Variants in DEPDC1B observed in about 807,000 individuals in gnomAD.
The protein encoded by DEPDC1B is DEP domain containing 1B.
In DEPDC1B, 51 loss-of-function variants were observed where a neutral mutation model predicts 66.5. The observed-to-expected ratio is 0.77, with a 90% CI of 0.61 to 0.97. DEPDC1B has a LOEUF of 0.97. Among genes scored for constraint, DEPDC1B ranks in the 50% least tolerant of loss-of-function variants. The pLI is 0.00. For missense variants in DEPDC1B, 552 were observed against 637.1 expected (o/e 0.87, Z 1.44); for synonymous variants, 226 against 223.6 (o/e 1.01, Z -0.10).
rs374958778 is a variant in DEPDC1B at position 60,613,836 on chromosome 5, A to ACAT, written c.899-7981_899-7980insATG. 9.5e-4 allele frequency among the ~76,000 whole-genome samples: 126 copies of ACAT among 132,358 alleles called. 1 individual carries two copies. Among genetic ancestry groups the ACAT allele is most frequent in the African/African-American group, 3.7e-3 (122 of 32,628 alleles). The allele number at this position is 132,358 out of a possible 152,430, so 86.8% of individuals were successfully genotyped here. A position where few individuals can be genotyped will look rare whatever the true frequency, so the allele number is the denominator to read the frequency against. The stretch of plus-strand genomic sequence containing the variant: ...TGTGTGTGTGTGTGTGTGTATACAT[A>ACAT]AAAAACAGATGTAGGGTCATTGTTT... On this transcript the variant is annotated intron_variant, in intron 7 of 10. Transcript: ENST00000265036.
chr5:60,597,845 G>A lies in DEPDC1B; in HGVS notation c.1498C>T (p.Pro500Ser), dbSNP rs1752127234. 15 of 1,613,304 alleles carry A rather than the reference G, an allele frequency of 9.3e-6. No individual in the cohort carries two copies. The highest frequency in any genetic ancestry group is 1.1e-5 in the Non-Finnish European group (13 of 1,179,660). ...PTPESAALLF[P>S]EKPKPKPQLL... ...TGTGGTTTCGGTTTGGGTTTTTCAGGAAACAGAAGTGCTGCACTTTCTGGT... is the reference window on the plus strand; with the variant it reads ...TGTGGTTTCGGTTTGGGTTTTTCAGAAAACAGAAGTGCTGCACTTTCTGGT... The change falls in exon 11 of 11, where the codon CCT becomes TCT. Residue 500 changes from proline to serine, a missense_variant. Physicochemically the swap from Pro to Ser is moderately conservative, Grantham distance 74. Transcript: ENST00000265036.
intron 2 of DEPDC1B, among the ~76,000 whole-genome samples, chr5:60,656,769 A>C (rs1280561468): frequency 6.6e-6 from 1 of 152,148 alleles, no homozygotes; most frequent in Non-Finnish European, 1.5e-5. Flanking sequence ...TCTCAGGGGA[A>C]CAGCATGAGG....
At chr5:60,622,202 C>G (rs1481098969) in intron 7 of DEPDC1B, among the ~76,000 whole-genome samples, 1 of 152,120 alleles carries the variant, frequency 6.6e-6, no homozygotes, top group South Asian at 2.1e-4. Context: ...TCCGCCCCCC[C>G]AAAGAATCTA....
At chr5:60,648,476 A>C (rs1256976115) in intron 2 of DEPDC1B, among the ~76,000 whole-genome samples, 1 of 152,232 alleles carries the variant, frequency 6.6e-6, no homozygotes, top group Non-Finnish European at 1.5e-5. Context: ...TGCACTGCAC[A>C]CATTAACAAA....
chr5:60,658,482 G>A (rs1753629155), intron 2 of DEPDC1B, among the ~76,000 whole-genome samples: 1 of 152,198 alleles, frequency 6.6e-6, no homozygotes, highest in South Asian at 2.1e-4. Flanking sequence ...TTTGTCCCAT[G>A]GGGTGATCCC....
chr5:60,607,165 A>C (rs1752327598), intron 7 of DEPDC1B, among the ~76,000 whole-genome samples: 1 of 152,216 alleles, frequency 6.6e-6, no homozygotes, highest in Non-Finnish European at 1.5e-5. Flanking sequence ...TATGACATGC[A>C]GTTATGAGGG....
intron 2 of DEPDC1B, among the ~76,000 whole-genome samples, chr5:60,664,341 TA>T (rs1753789189): frequency 6.6e-6 from 1 of 152,164 alleles, no homozygotes; most frequent in Non-Finnish European, 1.5e-5. Context: ...CTAAAGCAGT[TA>T]AAATGATACA....
chr5:60,603,602 T>C (rs1187156183), intron 8 of DEPDC1B, 35 bp from the exon 9 acceptor site: 3 of 1,537,142 alleles, frequency 2.0e-6, no homozygotes, highest in African/African-American at 1.4e-5. Flanking sequence ...TAAACGCAGA[T>C]GAGTATTTTT....
chr5:60,653,457 T>C (rs1043250200), intron 2 of DEPDC1B, among the ~76,000 whole-genome samples: 3 of 152,192 alleles, frequency 2.0e-5, no homozygotes, highest in African/African-American at 7.2e-5. Flanking sequence ...TGTTTGTTGT[T>C]ATCTTGCTGG....
At chr5:60,638,040 T>C (rs531815322) in intron 7 of DEPDC1B, among the ~76,000 whole-genome samples, 1 of 152,138 alleles carries the variant, frequency 6.6e-6, no homozygotes, top group African/African-American at 2.4e-5. Flanking sequence ...TTCCTACAAC[T>C]TTACCTAACA....
At chr5:60,604,493 T>C (rs190976070) in intron 8 of DEPDC1B, among the ~76,000 whole-genome samples, 7 of 152,178 alleles carry the variant, frequency 4.6e-5, no homozygotes, top group African/African-American at 1.7e-4. Flanking sequence ...AGTGCTGGGA[T>C]TACAGGAGTG....
intron 2 of DEPDC1B, among the ~76,000 whole-genome samples, chr5:60,673,500 T>A (rs1371804640): frequency 6.6e-6 from 1 of 152,240 alleles, no homozygotes; most frequent in South Asian, 2.1e-4. Flanking sequence ...GGAAAAGAAG[T>A]GTTAATCAAG....
intron 7 of DEPDC1B, among the ~76,000 whole-genome samples, chr5:60,623,844 T>A (rs182780589): frequency 1.9e-3 from 286 of 152,218 alleles, no homozygotes; most frequent in African/African-American, 6.5e-3. Context: ...GTTTTCCAAT[T>A]GATTTTTATA....
At chr5:60,597,966 T>C in intron 10 of DEPDC1B, 52 bp from the exon 11 acceptor site, 1 of 1,477,460 alleles carries the variant, frequency 6.8e-7, no homozygotes, top group African/African-American at 1.5e-5. Context: ...TAAAAGCCAA[T>C]AAAATTTGGC....
chr5:60,654,635 T>C (rs1019727069), intron 2 of DEPDC1B, among the ~76,000 whole-genome samples: 1 of 148,806 alleles, frequency 6.7e-6, no homozygotes, highest in Non-Finnish European at 1.5e-5. Context: ...TCTTCTCTGC[T>C]TGCTCCAACT....
intron 2 of DEPDC1B, among the ~76,000 whole-genome samples, chr5:60,655,760 A>G (rs1253539564): frequency 6.7e-6 from 1 of 149,144 alleles, no homozygotes; most frequent in Non-Finnish European, 1.5e-5. Flanking sequence ...ATTCAATACA[A>G]TGAATTTTCC....
intron 7 of DEPDC1B, among the ~76,000 whole-genome samples, chr5:60,626,054 A>G (rs1001978578): frequency 2.0e-5 from 3 of 151,470 alleles, no homozygotes; most frequent in Non-Finnish European, 2.9e-5. Context: ...TTTTTTTTGT[A>G]TAGTCACTAA....
At chr5:60,598,004 G>T (rs1752131526) in intron 10 of DEPDC1B, 90 bp from the exon 11 acceptor site, 3 of 1,120,576 alleles carry the variant, frequency 2.7e-6, no homozygotes, top group South Asian at 3.8e-5. Context: ...TTCTGAGCCT[G>T]TATTTTCCTG....
intron 7 of DEPDC1B, among the ~76,000 whole-genome samples, chr5:60,631,874 G>C (rs1440656786): frequency 2.6e-5 from 4 of 152,192 alleles, no homozygotes; most frequent in Non-Finnish European, 2.9e-5. Context: ...GCTAGTGGCT[G>C]TCCTAAGTTA....
Sources: allele counts gnomAD v4.1 joint callset (sites outside exome capture counted in the v4.1 genomes callset), GRCh38; gene constraint gnomAD v4.1.1; transcripts MANE v1.5; gene names NCBI Gene and HGNC (gene_info 2026-07-23, HGNC 2026-07-21).